EPB41: variants seen among roughly 807,000 people sequenced by gnomAD.
The protein encoded by EPB41 is erythrocyte membrane protein band 4.1, also known as protein 4.1.
Under a neutral mutation model 108.0 loss-of-function variants are expected in EPB41, and 65 were observed. That is an observed-to-expected ratio of 0.60 (90% CI 0.49 to 0.74). The LOEUF (loss-of-function observed/expected upper bound fraction) is 0.74, where lower values mean the gene tolerates loss of function less well. EPB41 is among the 30% of genes least tolerant of loss of function. EPB41 has a pLI of 0.00. For synonymous variants in EPB41, 336 were observed against 358.9 expected, an observed-to-expected ratio of 0.94 and a Z score of 0.72; for missense variants, 875 against 1,037.0, an observed-to-expected ratio of 0.84 and a Z score of 2.15.
At chr1:28,957,865 G>C (rs2095025438) in intron 1 of EPB41, among the ~76,000 whole-genome samples, 1 of 152,106 alleles carries the variant, frequency 6.6e-6, no homozygotes. Flanking sequence ...CCTCTAGTTT[G>C]ATTCTCTTTA....
At chr1:29,003,510 G>A (rs1042508555) in intron 4 of EPB41, among the ~76,000 whole-genome samples, 2 of 151,658 alleles carry the variant, frequency 1.3e-5, no homozygotes, top group African/African-American at 4.8e-5. Flanking sequence ...TTATGTTGTA[G>A]AAAAAAAATG....
At position 29,115,650 on chromosome 1, in the gene EPB41, G is replaced by A. The variant is rs555342367; in HGVS notation, c.2497-49G>A. On this transcript the variant is annotated intron_variant, in intron 19 of 20. Coordinates refer to ENST00000343067, the MANE Select transcript of EPB41 (RefSeq NM_001376013.1). This position sits in a 1 kb window ranked among gnomAD's most constrained non-coding sequence, Gnocchi z 4.4. Reference sequence around the variant, plus strand: ...GAAATGATGACCACTGCCTTCCTTCGCCATCAGGCTATTTTCTGCCTCATT... The same window carrying A: ...GAAATGATGACCACTGCCTTCCTTCACCATCAGGCTATTTTCTGCCTCATT... 2.4e-5 allele frequency: 35 copies of A among 1,470,996 alleles called. 1 individual carries two copies. The East Asian group carries it at 4.1e-4, about 17-fold the overall frequency. The allele number at this position is 1,470,996 out of a possible 1,614,324, so 91.1% of individuals were successfully genotyped here.
upstream of EPB41, among the ~76,000 whole-genome samples, chr1:28,909,885 C>A (rs541928599): frequency 4.6e-5 from 7 of 151,998 alleles, no homozygotes; most frequent in South Asian, 1.2e-3. Context: ...GAGTTCGAGA[C>A]CAGTGTGGGT....
intron 9 of EPB41, among the ~76,000 whole-genome samples, chr1:29,035,537 G>T (rs892563774): frequency 6.6e-6 from 1 of 150,592 alleles, no homozygotes; most frequent in Non-Finnish European, 1.5e-5. Flanking sequence ...TGACTTAATT[G>T]TGTCTCAGAA....
chr1:28,976,778 G>T (rs1055380960), intron 1 of EPB41, among the ~76,000 whole-genome samples: 11 of 152,076 alleles, frequency 7.2e-5, no homozygotes, highest in African/African-American at 2.4e-4. Flanking sequence ...AATAATACTG[G>T]TTCTGCGTGG....
chr1:28,926,048 C>CA (rs112921604), intron 1 of EPB41, among the ~76,000 whole-genome samples: 67,082 of 150,594 alleles, frequency 0.45, 17,424 homozygotes, highest in East Asian at 0.85. Context: ...ACCCTTGTCT[C>CA]AAAAAAAAAT....
intron 7 of EPB41, among the ~76,000 whole-genome samples, chr1:29,023,633 A>G (rs1408045208): frequency 1.3e-5 from 2 of 151,628 alleles, no homozygotes; most frequent in Non-Finnish European, 2.9e-5. Flanking sequence ...GTTGCAGTGA[A>G]CCGAGATCAT....
chr1:28,947,424 A>G (rs939234240), intron 1 of EPB41, among the ~76,000 whole-genome samples: 1 of 149,172 alleles, frequency 6.7e-6, no homozygotes, highest in African/African-American at 2.5e-5. Context: ...CAAACAAACA[A>G]ACAAACAAAC....
intron 17 of EPB41, among the ~76,000 whole-genome samples, chr1:29,104,771 G>A (rs1440478821): frequency 6.6e-6 from 1 of 151,938 alleles, no homozygotes; most frequent in East Asian, 1.9e-4. Flanking sequence ...TCTTTTTTCA[G>A]TAGAAACAGG....
chr1:28,918,219 A>T (rs1032100408), intron 1 of EPB41, among the ~76,000 whole-genome samples: 1 of 151,536 alleles, frequency 6.6e-6, no homozygotes, highest in African/African-American at 2.4e-5. Context: ...ACCCAGCTAA[A>T]TTTTTGTATT....
chr1:29,012,868 T>C (rs2096526576), intron 5 of EPB41, among the ~76,000 whole-genome samples: 1 of 152,146 alleles, frequency 6.6e-6, no homozygotes, highest in African/African-American at 2.4e-5. Flanking sequence ...CGTTTTAAAA[T>C]GCAAGTCAGA....
At chr1:29,003,423 T>C (rs1444999118) in intron 4 of EPB41, among the ~76,000 whole-genome samples, 2 of 152,232 alleles carry the variant, frequency 1.3e-5, no homozygotes, top group Non-Finnish European at 2.9e-5. Flanking sequence ...TAAGTTATTT[T>C]CTTCTTTAGC....
chr1:28,938,173 G>A (rs528650659), intron 1 of EPB41, among the ~76,000 whole-genome samples: 46 of 152,232 alleles, frequency 3.0e-4, no homozygotes, highest in African/African-American at 1.1e-3. Context: ...CATTGTTTTG[G>A]CTGTTCTGGC....
At chr1:29,040,757 C>G (rs1044203965) in intron 11 of EPB41, among the ~76,000 whole-genome samples, 3 of 152,132 alleles carry the variant, frequency 2.0e-5, no homozygotes, top group Admixed American at 2.0e-4. Context: ...GGAGGATCTT[C>G]TAAGTTAGCA....
At chr1:28,965,388 T>G (rs1352179467) in intron 1 of EPB41, among the ~76,000 whole-genome samples, 1 of 152,134 alleles carries the variant, frequency 6.6e-6, no homozygotes, top group African/African-American at 2.4e-5. Context: ...TTTTTAGAAC[T>G]TTTTTGAAAC....
intron 1 of EPB41, among the ~76,000 whole-genome samples, chr1:28,898,129 GA>G (rs1296970340): frequency 6.6e-6 from 1 of 152,154 alleles, no homozygotes; most frequent in Admixed American, 6.5e-5. Flanking sequence ...AGCACAAAGG[GA>G]AAGGCTGGCA....
At chr1:29,075,097 C>T (rs896717680) in intron 16 of EPB41, among the ~76,000 whole-genome samples, 10 of 141,746 alleles carry the variant, frequency 7.1e-5, no homozygotes, top group Non-Finnish European at 9.0e-5. Context: ...GCGGAGCTTG[C>T]AGTGAGCCGA....
At position 28,914,734 on chromosome 1, in the gene EPB41, G is replaced by GC. The variant is rs1238954523; in HGVS notation, c.-42_-41insC. On this transcript the variant is annotated 5_prime_UTR_variant, in exon 1 of 21. Transcript: ENST00000343067. ...TGCCATTGTTCGTCGGGCTGCAGCA[G>GC]TGGCGGGCGCAGGAGCCCGGCCCCG... 15 of 152,856 alleles carry GC rather than the reference G, an allele frequency of 9.8e-5. No individual in the cohort carries two copies. The highest frequency in any genetic ancestry group is 2.2e-4 in the Non-Finnish European group (15 of 68,126). The allele number at this position is 152,856 out of a possible 1,614,324, so 9.5% of individuals were successfully genotyped here. A position where few individuals can be genotyped will look rare whatever the true frequency, so the allele number is the denominator to read the frequency against.
intron 1 of EPB41, among the ~76,000 whole-genome samples, chr1:28,895,558 C>T (rs562829458): frequency 1.3e-5 from 2 of 152,124 alleles, no homozygotes; most frequent in Non-Finnish European, 2.9e-5. Flanking sequence ...GGTGCCATCT[C>T]GGCTCACTGC....
Sources: gnomAD v4.1 joint callset for allele counts (sites outside exome capture counted in the v4.1 genomes callset) on GRCh38, gnomAD v4.1.1 for gene constraint, Gnocchi (gnomAD v3.1) non-coding constraint, MANE v1.5 for transcripts, NCBI Gene and HGNC (gene_info 2026-07-23, HGNC 2026-07-21) for gene names.